Variants in MAPKAP1 observed in about 807,000 individuals in gnomAD.
MAPKAP1 encodes target of rapamycin complex 2 subunit MAPKAP1.
MAPKAP1 carries 20 observed loss-of-function variants against 65.7 expected under a neutral mutation model. That is an observed-to-expected ratio of 0.30 (90% confidence interval 0.21 to 0.44). The LOEUF (loss-of-function observed/expected upper bound fraction) is 0.44. Among genes scored for constraint, MAPKAP1 ranks in the 20% least tolerant of loss-of-function variants. The pLI, the probability that MAPKAP1 is intolerant of heterozygous loss-of-function variation, is 1.00. For synonymous variants in MAPKAP1, 222 were observed against 244.3 expected (o/e 0.91, Z 0.85); for missense variants, 423 against 648.0 (o/e 0.65, Z 3.77).
intron 4 of MAPKAP1, among the ~76,000 whole-genome samples, chr9:125,610,483 A>G (rs963651072): frequency 6.6e-6 from 1 of 152,230 alleles, no homozygotes; most frequent in Non-Finnish European, 1.5e-5. Flanking sequence ...CTTGCCAAAC[A>G]AGGTGACATG....
intron 3 of MAPKAP1, among the ~76,000 whole-genome samples, chr9:125,667,654 C>T (rs1036160096): frequency 2.0e-5 from 3 of 152,186 alleles, no homozygotes; most frequent in Non-Finnish European, 4.4e-5. Context: ...CTCAACTGAT[C>T]TGCCACCTTG....
chr9:125,576,073 T>C (rs566288733), intron 5 of MAPKAP1, among the ~76,000 whole-genome samples: 4 of 152,312 alleles, frequency 2.6e-5, no homozygotes, highest in African/African-American at 9.6e-5. Context: ...TGAAAAAAGC[T>C]AGTCTGAAAA....
intron 10 of MAPKAP1, among the ~76,000 whole-genome samples, chr9:125,464,204 T>TAA (rs57497941): frequency 2.6e-4 from 22 of 83,324 alleles, no homozygotes; most frequent in East Asian, 4.1e-4. Context: ...TCTCATATAT[T>TAA]AAAAAAAAAA....
At chr9:125,522,049 G>A (rs1434574297) in intron 7 of MAPKAP1, among the ~76,000 whole-genome samples, 1 of 152,210 alleles carries the variant, frequency 6.6e-6, no homozygotes, top group Non-Finnish European at 1.5e-5. Flanking sequence ...AGGATTTTGA[G>A]CAGATTCAGT....
chr9:125,663,233 C>G (rs1395388031), intron 3 of MAPKAP1, among the ~76,000 whole-genome samples: 5 of 152,234 alleles, frequency 3.3e-5, no homozygotes, highest in Non-Finnish European at 7.3e-5. Flanking sequence ...TTACTGTGCT[C>G]TAACCAACAG....
At chr9:125,532,885 G>GT (rs1829972019) in intron 7 of MAPKAP1, among the ~76,000 whole-genome samples, 3 of 152,186 alleles carry the variant, frequency 2.0e-5, no homozygotes, top group African/African-American at 7.2e-5. Flanking sequence ...CTAAAAATCT[G>GT]TTTTTTAAAC....
intron 4 of MAPKAP1, among the ~76,000 whole-genome samples, chr9:125,634,167 T>C (rs1833362067): frequency 1.2e-4 from 19 of 152,208 alleles, no homozygotes; most frequent in Admixed American, 1.2e-3. Flanking sequence ...CTCCTTCATT[T>C]TTAATTCTGT....
At chr9:125,649,798 C>CAAAAAAAAA (rs35503728) in intron 4 of MAPKAP1, among the ~76,000 whole-genome samples, 3 of 76,188 alleles carry the variant, frequency 3.9e-5, no homozygotes, top group Admixed American at 1.3e-4. Context: ...AACTCCGTCT[C>CAAAAAAAAA]AAAAAAAAAA....
At chr9:125,505,111 G>C (rs1189330221) in intron 8 of MAPKAP1, among the ~76,000 whole-genome samples, 1 of 152,154 alleles carries the variant, frequency 6.6e-6, no homozygotes, top group Non-Finnish European at 1.5e-5. Flanking sequence ...ATTTTGGGAA[G>C]CCAAGGTAGA....
chr9:125,536,401 C>T (rs1487885121), intron 7 of MAPKAP1, among the ~76,000 whole-genome samples: 4 of 152,156 alleles, frequency 2.6e-5, no homozygotes, highest in Non-Finnish European at 5.9e-5. Context: ...TTTAGCAGCC[C>T]TAATTTACTG....
intron 1 of MAPKAP1, among the ~76,000 whole-genome samples, chr9:125,686,243 C>T (rs1442861997): frequency 1.3e-5 from 2 of 148,206 alleles, no homozygotes; most frequent in African/African-American, 2.5e-5. Context: ...ACCCGGGAGG[C>T]GGAGCTTGCA....
chr9:125,460,935 G>A (rs919409746), intron 10 of MAPKAP1, among the ~76,000 whole-genome samples: 2 of 152,224 alleles, frequency 1.3e-5, no homozygotes, highest in Non-Finnish European at 2.9e-5. Context: ...GATTTCTGGA[G>A]GAAGCAGGGA....
At chr9:125,488,633 A>G (rs765958500) in intron 8 of MAPKAP1, among the ~76,000 whole-genome samples, 4 of 152,210 alleles carry the variant, frequency 2.6e-5, no homozygotes, top group African/African-American at 4.8e-5. Context: ...GGCGTGAGCC[A>G]CCGTGCCCAG....
At chr9:125,451,457 G>A (rs1332819177) in intron 10 of MAPKAP1, among the ~76,000 whole-genome samples, 2 of 152,150 alleles carry the variant, frequency 1.3e-5, no homozygotes, top group East Asian at 3.8e-4. Context: ...TTGGGTTTTA[G>A]TTACTACTCA....
intron 7 of MAPKAP1, among the ~76,000 whole-genome samples, chr9:125,517,687 G>A (rs1047086370): frequency 2.0e-5 from 3 of 152,188 alleles, no homozygotes; most frequent in Admixed American, 2.0e-4. Context: ...GAAACTGTAG[G>A]AGCATCATAA....
intron 1 of MAPKAP1, among the ~76,000 whole-genome samples, chr9:125,698,626 G>A (rs1278897370): frequency 1.3e-5 from 2 of 151,882 alleles, no homozygotes; most frequent in Non-Finnish European, 2.9e-5. Flanking sequence ...ACAGGCATGA[G>A]CCACCGCACC....
chr9:125,654,639 T>C (rs570451228), intron 4 of MAPKAP1, among the ~76,000 whole-genome samples: 1 of 152,318 alleles, frequency 6.6e-6, no homozygotes, highest in Non-Finnish European at 1.5e-5. Flanking sequence ...AAGCTTTTTA[T>C]AAAATTATTA....
intron 3 of MAPKAP1, among the ~76,000 whole-genome samples, chr9:125,662,559 C>T (rs1460288612): frequency 1.3e-5 from 2 of 151,794 alleles, no homozygotes; most frequent in African/African-American, 2.4e-5. Flanking sequence ...GGCGGGCACC[C>T]GTAGTCCCAG....
intron 4 of MAPKAP1, among the ~76,000 whole-genome samples, chr9:125,652,967 G>A (rs1040906574): frequency 6.6e-6 from 1 of 152,166 alleles, no homozygotes; most frequent in Admixed American, 6.5e-5. Context: ...ACATAATGAA[G>A]TACGTGGGAA....
Sources: allele counts gnomAD v4.1 joint callset (sites outside exome capture counted in the v4.1 genomes callset), GRCh38; gene constraint gnomAD v4.1.1; transcripts MANE v1.5; gene names NCBI Gene and HGNC (gene_info 2026-07-23, HGNC 2026-07-21).